AUTS2: variants seen among roughly 807,000 people sequenced by gnomAD.
AUTS2 encodes autism susceptibility gene 2 protein.
AUTS2 carries 17 observed loss-of-function variants against 112.4 expected under a neutral mutation model. That is an observed-to-expected ratio of 0.15 (90% CI 0.10 to 0.23). The LOEUF is 0.23. Ranked by LOEUF, AUTS2 falls within the 10% of genes least tolerant of loss-of-function variation. The pLI, the probability that AUTS2 is intolerant of heterozygous loss-of-function variation, is 1.00. For missense variants in AUTS2, 1,510 were observed against 1,701.6 expected, an observed-to-expected ratio of 0.89 and a Z score of 1.98; for synonymous variants, 751 against 702.7, an observed-to-expected ratio of 1.07 and a Z score of -1.09.
chr7:69,902,917 T>C (rs1446773322), intron 2 of AUTS2, among the ~76,000 whole-genome samples: 3 of 152,180 alleles, frequency 2.0e-5, no homozygotes, highest in African/African-American at 7.2e-5. Context: ...GTTGCACTTT[T>C]TGATATGAGA....
At chr7:69,806,312 A>G (rs1310597397) in intron 1 of AUTS2, among the ~76,000 whole-genome samples, 1 of 150,574 alleles carries the variant, frequency 6.6e-6, no homozygotes, top group African/African-American at 2.4e-5. Flanking sequence ...GTGTCTAGGT[A>G]AAGGTTTAGT....
At chr7:70,787,142 G>C in intron 17 of AUTS2, 67 bp from the exon 18 acceptor site, 1 of 1,485,738 alleles carries the variant, frequency 6.7e-7, no homozygotes, top group South Asian at 1.2e-5. Flanking sequence ...TTTTTGGTAA[G>C]TACCTTCATT....
chr7:70,780,461 C>T (rs1256184303), intron 14 of AUTS2, among the ~76,000 whole-genome samples: 4 of 151,938 alleles, frequency 2.6e-5, no homozygotes, highest in South Asian at 4.2e-4. Context: ...CAGCAACCTC[C>T]GCCTCCTAGG....
chr7:70,245,557 G>A (rs1472805013), intron 4 of AUTS2, among the ~76,000 whole-genome samples: 1 of 152,166 alleles, frequency 6.6e-6, no homozygotes, highest in East Asian at 1.9e-4. Flanking sequence ...AATTGACTGT[G>A]TTGTTGCACA....
chr7:70,016,459 A>G (rs1223371297), intron 2 of AUTS2, among the ~76,000 whole-genome samples: 1 of 152,012 alleles, frequency 6.6e-6, no homozygotes, highest in Non-Finnish European at 1.5e-5. Flanking sequence ...TTCTGAAGAT[A>G]AACCCACTTT....
intron 5 of AUTS2, among the ~76,000 whole-genome samples, chr7:70,578,289 A>T (rs529297634): frequency 1.3e-5 from 2 of 152,354 alleles, no homozygotes; most frequent in Admixed American, 1.3e-4. Flanking sequence ...ATGGTTTGTT[A>T]GTTGGCTGCC....
intron 1 of AUTS2, among the ~76,000 whole-genome samples, chr7:69,646,393 A>G (rs912404233): frequency 3.9e-5 from 6 of 152,164 alleles, no homozygotes; most frequent in African/African-American, 1.4e-4. Flanking sequence ...GACATTTCAG[A>G]GTGACTTAAT....
chr7:70,611,949 G>A (rs1425909416), intron 5 of AUTS2, among the ~76,000 whole-genome samples: 1 of 152,162 alleles, frequency 6.6e-6, no homozygotes, highest in African/African-American at 2.4e-5. Context: ...TACAAAGGGG[G>A]CCTTAGAAAT....
intron 4 of AUTS2, among the ~76,000 whole-genome samples, chr7:70,167,382 G>T (rs1309195623): frequency 6.6e-6 from 1 of 151,968 alleles, no homozygotes; most frequent in Non-Finnish European, 1.5e-5. Context: ...TCAAGAAAAA[G>T]GCCTATGTAC....
chr7:70,772,090 T>C (rs556602686), intron 11 of AUTS2, among the ~76,000 whole-genome samples: 2 of 152,324 alleles, frequency 1.3e-5, no homozygotes, highest in South Asian at 4.2e-4. Context: ...AATTGTATCC[T>C]ATGAATTCTC....
At chr7:69,610,114 C>T (rs149901260) in intron 1 of AUTS2, among the ~76,000 whole-genome samples, 245 of 152,248 alleles carry the variant, frequency 1.6e-3, no homozygotes, top group African/African-American at 5.6e-3. Context: ...TTTGCAGCAG[C>T]CATGGAATGT....
chr7:69,753,157 C>T (rs1039677351), intron 1 of AUTS2, among the ~76,000 whole-genome samples: 1 of 152,080 alleles, frequency 6.6e-6, no homozygotes, highest in Non-Finnish European at 1.5e-5. Context: ...TAAATGTGAT[C>T]ATGTATGTGA....
At chr7:69,931,258 A>G (rs1584459688) in intron 2 of AUTS2, among the ~76,000 whole-genome samples, 1 of 152,128 alleles carries the variant, frequency 6.6e-6, no homozygotes, top group Admixed American at 6.5e-5. Context: ...GTGGCACTCA[A>G]TTAAGGTCTG....
At chr7:70,528,324 G>T (rs1799942686) in intron 5 of AUTS2, among the ~76,000 whole-genome samples, 1 of 151,986 alleles carries the variant, frequency 6.6e-6, no homozygotes, top group Non-Finnish European at 1.5e-5. Flanking sequence ...GAAAGCCCTG[G>T]TTGAGGGCGA....
Position 70,305,035 on chromosome 7 carries a change from A to G in AUTS2, c.661-130717A>G, listed in dbSNP as rs556417836. 3.3e-4 allele frequency among the ~76,000 whole-genome samples: 51 copies of G among 152,314 alleles called. 1 individual carries two copies. The highest frequency in any genetic ancestry group is 1.2e-3 in the African/African-American group (50 of 41,580). Reference sequence around the variant, plus strand: ...TCTTTTATCTTTCTCAAAGTTTCACATAAACTTTCTCAAAGGCCATTAAAT... The same window carrying G: ...TCTTTTATCTTTCTCAAAGTTTCACGTAAACTTTCTCAAAGGCCATTAAAT... On this transcript the variant is annotated intron_variant, in intron 4 of 18. Coordinates refer to ENST00000342771, the MANE Select transcript of AUTS2 (RefSeq NM_015570.4).
chr7:70,473,279 G>A (rs1327609820), intron 5 of AUTS2, among the ~76,000 whole-genome samples: 4 of 152,128 alleles, frequency 2.6e-5, no homozygotes, highest in Admixed American at 6.5e-5. Flanking sequence ...ATGAATTTCA[G>A]CATGTAACCA....
intron 6 of AUTS2, among the ~76,000 whole-genome samples, chr7:70,724,969 C>G (rs1427574405): frequency 6.6e-6 from 1 of 152,142 alleles, no homozygotes; most frequent in Non-Finnish European, 1.5e-5. Flanking sequence ...TGTAGGATAT[C>G]TGGATTTCAG....
chr7:70,479,467 C>T (rs1797706024), intron 5 of AUTS2, among the ~76,000 whole-genome samples: 1 of 152,168 alleles, frequency 6.6e-6, no homozygotes, highest in Non-Finnish European at 1.5e-5. Context: ...CTTGCCACTT[C>T]CCCGGAGTCC....
intron 2 of AUTS2, among the ~76,000 whole-genome samples, chr7:69,963,676 A>C (rs982518988): frequency 1.3e-5 from 2 of 152,162 alleles, no homozygotes; most frequent in Non-Finnish European, 2.9e-5. Flanking sequence ...GAGCCTATTT[A>C]ATTCTTACAG....
Sources: gnomAD v4.1 joint callset for allele counts (sites outside exome capture counted in the v4.1 genomes callset) on GRCh38, gnomAD v4.1.1 for gene constraint, MANE v1.5 for transcripts, NCBI Gene and HGNC (gene_info 2026-07-23, HGNC 2026-07-21) for gene names.